CTNND2: variants seen among roughly 807,000 people sequenced by gnomAD.
CTNND2 encodes the protein catenin delta-2.
Under a neutral mutation model 144.4 loss-of-function variants are expected in CTNND2, and 22 were observed. The ratio of observed to expected loss-of-function variants is 0.15; its 90% CI spans 0.11 to 0.22. CTNND2 has a LOEUF of 0.22. Ranked by LOEUF, CTNND2 falls within the 10% of genes least tolerant of loss-of-function variation. The pLI is 1.00. For missense variants in CTNND2, 1,353 were observed against 1,618.8 expected, an observed-to-expected ratio of 0.84 and a Z score of 2.82; for synonymous variants, 751 against 695.6, an observed-to-expected ratio of 1.08 and a Z score of -1.25.
intron 3 of CTNND2, among the ~76,000 whole-genome samples, chr5:11,430,127 G>A (rs1342548690): frequency 1.3e-5 from 2 of 151,302 alleles, no homozygotes; most frequent in Non-Finnish European, 2.9e-5. Flanking sequence ...TCGCGTGCCT[G>A]TAGTCCCAGA....
intron 14 of CTNND2, among the ~76,000 whole-genome samples, chr5:11,107,800 G>T (rs1226350288): frequency 6.6e-6 from 1 of 152,188 alleles, no homozygotes; most frequent in Non-Finnish European, 1.5e-5. Context: ...TGCGGAAGAC[G>T]CTTGGCTCAC....
At chr5:11,394,608 C>G (rs1337115605) in intron 6 of CTNND2, among the ~76,000 whole-genome samples, 1 of 152,164 alleles carries the variant, frequency 6.6e-6, no homozygotes, top group Non-Finnish European at 1.5e-5. Context: ...TCCTAAGTCT[C>G]AGAAGAATGA....
chr5:11,780,288 T>A (rs929456861), intron 1 of CTNND2, among the ~76,000 whole-genome samples: 1 of 152,034 alleles, frequency 6.6e-6, no homozygotes, highest in African/African-American at 2.4e-5. Flanking sequence ...TTCTTACCTC[T>A]CAGAAACCAG....
In CTNND2 at chr5:11,120,153, A is replaced by C. The variant is rs571517072; in HGVS notation, c.2160-2586T>G. 2.6e-5 allele frequency among the ~76,000 whole-genome samples: 4 copies of C among 152,354 alleles called. No individual in the cohort carries two copies. In the East Asian group the frequency reaches 7.7e-4, roughly 29 times the overall value. On this transcript the variant is annotated intron_variant, in intron 12 of 21. Coordinates refer to ENST00000304623, the MANE Select transcript of CTNND2 (RefSeq NM_001332.4). ...AATGTGTAAGATATTGAAAAATGAG[A>C]AAGATTAATAACTTAAGGTCTCAGC...
chr5:11,673,992 A>C (rs1784039020), intron 2 of CTNND2, among the ~76,000 whole-genome samples: 1 of 152,202 alleles, frequency 6.6e-6, no homozygotes, highest in South Asian at 2.1e-4. Context: ...TTAAATATGA[A>C]GCCGAATTTA....
At chr5:11,362,449 G>T (rs983131637) in intron 8 of CTNND2, among the ~76,000 whole-genome samples, 2 of 152,186 alleles carry the variant, frequency 1.3e-5, no homozygotes, top group Non-Finnish European at 2.9e-5. Context: ...AGACACAGGG[G>T]TAACCTTGGT....
chr5:11,703,376 G>C (rs1002752130), intron 2 of CTNND2, among the ~76,000 whole-genome samples: 1 of 152,156 alleles, frequency 6.6e-6, no homozygotes, highest in African/African-American at 2.4e-5. Context: ...TGTTCTTACA[G>C]TCAGGATACA....
chr5:11,435,384 C>T (rs372180450), intron 3 of CTNND2, among the ~76,000 whole-genome samples: 45 of 152,062 alleles, frequency 3.0e-4, no homozygotes, highest in Admixed American at 2.4e-3. Context: ...CCTCGTGATC[C>T]GCCCTCCTCG....
intron 1 of CTNND2, among the ~76,000 whole-genome samples, chr5:11,791,544 GAT>G (rs1012866156): frequency 1.3e-5 from 2 of 152,218 alleles, no homozygotes; most frequent in Non-Finnish European, 2.9e-5. Context: ...AAGTGCATCA[GAT>G]GCTCATCAAT....
intron 2 of CTNND2, among the ~76,000 whole-genome samples, chr5:11,708,136 T>C (rs1785816887): frequency 6.6e-6 from 1 of 151,836 alleles, no homozygotes; most frequent in South Asian, 2.1e-4. Flanking sequence ...AACCTCCCCA[T>C]CCCAGGCTCA....
chr5:11,129,535 A>G (rs1755352295), intron 12 of CTNND2, among the ~76,000 whole-genome samples: 1 of 150,876 alleles, frequency 6.6e-6, no homozygotes, highest in Middle Eastern at 3.4e-3. Flanking sequence ...ATTCTGCCCT[A>G]TCTCTGATCT....
intron 2 of CTNND2, among the ~76,000 whole-genome samples, chr5:11,612,385 G>A (rs2434666): frequency 0.5 from 76,202 of 151,946 alleles, 19,976 homozygotes; most frequent in Middle Eastern, 0.71. Context: ...GTACTAAGTA[G>A]TTCAATATCC....
chr5:11,749,819 T>C (rs1474826085), intron 1 of CTNND2, among the ~76,000 whole-genome samples: 2 of 152,008 alleles, frequency 1.3e-5, no homozygotes, highest in East Asian at 1.9e-4. Context: ...TACAATGTTT[T>C]TGTCATCAGA....
intron 2 of CTNND2, among the ~76,000 whole-genome samples, chr5:11,572,340 C>T (rs2727589): frequency 0.23 from 34,791 of 152,094 alleles, 4,905 homozygotes; most frequent in African/African-American, 0.41. Flanking sequence ...AGGTTTCGGT[C>T]AACTTTCCTG....
chr5:11,652,600 T>C (rs1263903885), intron 2 of CTNND2, among the ~76,000 whole-genome samples: 1 of 152,342 alleles, frequency 6.6e-6, no homozygotes, highest in African/African-American at 2.4e-5. Context: ...TTTTTAAATT[T>C]TATTTTCAAG....
intron 2 of CTNND2, among the ~76,000 whole-genome samples, chr5:11,666,020 T>C (rs1783551209): frequency 6.6e-6 from 1 of 152,154 alleles, no homozygotes. Context: ...TTGCATGCAG[T>C]GACCATATGA....
At chr5:11,838,048 C>G (rs970326897) in intron 1 of CTNND2, among the ~76,000 whole-genome samples, 1 of 152,196 alleles carries the variant, frequency 6.6e-6, no homozygotes, top group Non-Finnish European at 1.5e-5. Context: ...GTCTTGTGCT[C>G]TGCCAGGACA....
At chr5:11,602,324 T>C (rs1454852838) in intron 2 of CTNND2, among the ~76,000 whole-genome samples, 2 of 152,078 alleles carry the variant, frequency 1.3e-5, no homozygotes, top group Non-Finnish European at 2.9e-5. Context: ...ATTTTTGTCA[T>C]CTGGGAAGAT....
chr5:11,776,735 A>T (rs1370328709), intron 1 of CTNND2, among the ~76,000 whole-genome samples: 2 of 152,194 alleles, frequency 1.3e-5, no homozygotes, highest in Admixed American at 1.3e-4. Flanking sequence ...TACATCCCCA[A>T]GTTATTCATC....
Sources: allele counts gnomAD v4.1 joint callset (sites outside exome capture counted in the v4.1 genomes callset), GRCh38; gene constraint gnomAD v4.1.1; transcripts MANE v1.5; gene names NCBI Gene and HGNC (gene_info 2026-07-23, HGNC 2026-07-21).